The following EP400 variants were observed in gnomAD, a reference collection of about 807,000 sequenced individuals.
EP400 encodes E1A binding protein p400.
EP400 carries 105 observed loss-of-function variants against 354.1 expected under a neutral mutation model. The ratio of observed to expected loss-of-function variants is 0.30; its 90% CI spans 0.25 to 0.35. The LOEUF (loss-of-function observed/expected upper bound fraction) is 0.35, where lower values mean the gene tolerates loss of function less well. Among genes scored for constraint, EP400 ranks in the 10% least tolerant of loss-of-function variants. The pLI is 1.00. For synonymous variants in EP400, 1,646 were observed against 1,716.9 expected (o/e 0.96, Z 1.02); for missense variants, 3,280 against 4,121.0 (o/e 0.80, Z 5.59).
In EP400 at chr12:132,013,720, T is replaced by C. The variant is rs557333598; in HGVS notation, c.3786+56T>C. Reference sequence around the variant, plus strand: ...AATTAAACATGCGTATGCCTTGTTATAAACGTGTTACAGCAGCATTTTTGG... The same window carrying C: ...AATTAAACATGCGTATGCCTTGTTACAAACGTGTTACAGCAGCATTTTTGG... On this transcript the variant is annotated intron_variant, in intron 18 of 52. Coordinates refer to ENST00000389561, the MANE Select transcript of EP400 (RefSeq NM_015409.5). This position sits in a 1 kb window ranked among gnomAD's most constrained non-coding sequence, Gnocchi z 4.5. 84 of 1,610,220 alleles carry C rather than the reference T, an allele frequency of 5.2e-5. No homozygotes were observed. In the African/African-American group the frequency reaches 1.1e-3, roughly 21 times the overall value.
chr12:132,042,486 G>A (rs945954480), intron 32 of EP400, among the ~76,000 whole-genome samples: 5 of 152,044 alleles, frequency 3.3e-5, no homozygotes, highest in African/African-American at 1.2e-4. Context: ...GAAGGTCACC[G>A]GGCATCCTCC....
chr12:132,019,991 C>G (rs2136541516), intron 21 of EP400, 58 bp from the exon 22 acceptor site: 1 of 1,447,928 alleles, frequency 6.9e-7, no homozygotes, highest in Non-Finnish European at 9.1e-7. Flanking sequence ...ATGAGGTGGC[C>G]TGTCCTCTCT....
intron 30 of EP400, among the ~76,000 whole-genome samples, chr12:132,036,591 C>T (rs548208380): frequency 4.1e-4 from 62 of 152,372 alleles, no homozygotes; most frequent in Non-Finnish European, 7.3e-4. Context: ...CCCGCGGAAG[C>T]GCACACTGTC....
chr12:132,074,732 CT>C (rs1310674874), intron 51 of EP400, among the ~76,000 whole-genome samples: 1 of 152,192 alleles, frequency 6.6e-6, no homozygotes, highest in Non-Finnish European at 1.5e-5. Flanking sequence ...TCATTTTTCC[CT>C]TGGTTAAGTC....
chr12:131,988,354 T>A (rs1892926158), intron 7 of EP400, among the ~76,000 whole-genome samples: 2 of 152,180 alleles, frequency 1.3e-5, no homozygotes, highest in Non-Finnish European at 1.5e-5. Flanking sequence ...TAGCTTCATT[T>A]TGTTGCCTGG....
At position 131,986,596 on chromosome 12, in the gene EP400, C is replaced by T. The variant is rs774618050; in HGVS notation, c.2012C>T (p.Ala671Val). 8.4e-5 allele frequency: 135 copies of T among 1,613,954 alleles called. No homozygotes were observed. Among genetic ancestry groups the T allele is most frequent in the Middle Eastern group, 3.3e-4 (2 of 6,084 alleles). ...CCCACCTCTTCTACCTCGTCCCTCGCGCCTGTGAGTGGCTCCGGCCCAGGA... is the reference window on the plus strand; with the variant it reads ...CCCACCTCTTCTACCTCGTCCCTCGTGCCTGTGAGTGGCTCCGGCCCAGGA... ...PLPTSSTSSL[A>V]PVSGSGPGPS... The change falls in exon 6 of 53, where the codon GCG becomes GTG. Residue 671 changes from alanine (A) to valine (V), a missense_variant. Physicochemically the swap from Ala to Val is moderately conservative, Grantham distance 64 (BLOSUM62 0). Coordinates refer to ENST00000389561, the MANE Select transcript of EP400 (RefSeq NM_015409.5).
At chr12:132,042,235 G>A (rs1240246124) in intron 32 of EP400, among the ~76,000 whole-genome samples, 2 of 152,210 alleles carry the variant, frequency 1.3e-5, no homozygotes, top group Admixed American at 1.3e-4. Flanking sequence ...ATAGGCATGA[G>A]CCACCGTGCC....
At chr12:131,999,415 G>A (rs1302821587) in intron 12 of EP400, among the ~76,000 whole-genome samples, 2 of 152,128 alleles carry the variant, frequency 1.3e-5, no homozygotes, top group African/African-American at 4.8e-5. Context: ...CTATTCTTCA[G>A]TGTTTATGTT....
At chr12:132,003,696 G>A (rs1306544892) in intron 12 of EP400, among the ~76,000 whole-genome samples, 1 of 152,156 alleles carries the variant, frequency 6.6e-6, no homozygotes, top group Non-Finnish European at 1.5e-5. Flanking sequence ...CGCTCTGGAA[G>A]CATCAGACAG....
rs1404478179 is a variant in EP400 at position 132,044,895 on chromosome 12, T to G, written c.6726T>G (p.Ala2242=). Residue 2242 remains alanine (A), a synonymous_variant, in exon 37 of 53, where the codon GCT becomes GCG. Coordinates refer to ENST00000389561, the MANE Select transcript of EP400 (RefSeq NM_015409.5). ...LMYEATPIPE[A]KLPPVYVRKE... ...ATGAAGCCACTCCCATCCCAGAGGC[T>G]AAGCTGCCCCCTGTGTACGTGAGGA... The G allele has an allele frequency of 6.2e-7, 1 of 1,614,202 alleles. No homozygotes were observed. Among genetic ancestry groups the G allele is most frequent in the African/African-American group, 1.3e-5 (1 of 75,040 alleles).
intron 2 of EP400, among the ~76,000 whole-genome samples, chr12:131,962,503 TCATTAA>T (rs1891923017): frequency 6.6e-6 from 1 of 152,254 alleles, no homozygotes; most frequent in African/African-American, 2.4e-5. Context: ...GGGACCTTCA[TCATTAA>T]AATAGTTATT....
At chr12:131,959,878 G>T (rs1021627927) in intron 1 of EP400, among the ~76,000 whole-genome samples, 3 of 152,214 alleles carry the variant, frequency 2.0e-5, no homozygotes, top group African/African-American at 7.2e-5. Context: ...CTACTCTCCT[G>T]CAGTAGCCCC....
Position 132,050,362 on chromosome 12 carries a change from G to A in EP400, c.7240G>A (p.Ala2414Thr), listed in dbSNP as rs1168564281. Residue 2414 changes from alanine (A) to threonine (T), a missense_variant, in exon 40 of 53, where the codon GCC becomes ACC. Physicochemically the swap from Ala to Thr is moderately conservative, Grantham distance 58. This residue lies in a region of EP400 where 84 missense variants were observed against 133.0 expected (regional missense o/e 0.63). Transcript: ENST00000389561. The surrounding 1 kb of genome is among the most constrained non-coding windows in gnomAD (Gnocchi z 4.8). ...NRPLRTSQIY[A>T]QDENATHTQL... ...TCCTCTCCGTACGAGCCAGATCTAT[G>A]CCCAGGATGAGAATGCCACACACAC... 1.9e-6 allele frequency: 3 copies of A among 1,613,980 alleles called. No homozygotes were observed. Among genetic ancestry groups the A allele is most frequent in the Non-Finnish European group, 8.5e-7 (1 of 1,180,034 alleles).
rs781109926 is a variant in EP400, at chr12:132,045,877, A to G, written c.7177A>G (p.Ile2393Val). Reference sequence around the variant, plus strand: ...GTGCCGGAATCGCTACGAGAATGTCATCATTCCACGAGAGGAGGGGAAGGT... The same window carrying G: ...GTGCCGGAATCGCTACGAGAATGTCGTCATTCCACGAGAGGAGGGGAAGGT... ...KQCRNRYENV[I>V]IPREEGKSKN... is the part of the protein sequence containing the mutation. Residue 2393 changes from isoleucine (I) to valine (V), a missense_variant, in exon 39 of 53, where the codon ATC becomes GTC. Physicochemically the swap from Ile to Val is conservative, Grantham distance 29. Coordinates refer to ENST00000389561, the MANE Select transcript of EP400 (RefSeq NM_015409.5). 13 of 1,614,108 alleles carry G rather than the reference A, an allele frequency of 8.1e-6. No homozygotes were observed. The highest frequency in any genetic ancestry group is 1.0e-5 in the Non-Finnish European group (12 of 1,180,054).
chr12:132,045,169 C>G, intron 37 of EP400, 150 bp from the exon 38 acceptor site: 1 of 1,345,986 alleles, frequency 7.4e-7, no homozygotes, highest in East Asian at 2.4e-5. Flanking sequence ...ACCATGAAGG[C>G]CCGAAAGCAG....
chr12:132,031,275 A>G (rs769842217), intron 29 of EP400: 1 of 519,144 alleles, frequency 1.9e-6, no homozygotes. Context: ...GTGCTCTGGC[A>G]TTGCCTGAGG....
chr12:132,052,644 C>G lies in EP400; in HGVS notation c.7395-502C>G, dbSNP rs1194174629. Among the ~76,000 whole-genome samples the G allele has an allele frequency of 6.6e-6, 1 of 152,156 alleles. No individual in the cohort carries two copies. The highest frequency in any genetic ancestry group is 1.5e-5 in the Non-Finnish European group (1 of 68,034). ...CTAGCGTCTGGGAGCACAGACCCAT[C>G]ATTTGATTGATGTTGTCGATTAAAT... On this transcript the variant is annotated intron_variant, in intron 41 of 52. Coordinates refer to ENST00000389561, the MANE Select transcript of EP400 (RefSeq NM_015409.5). The surrounding 1 kb of genome is among the most constrained non-coding windows in gnomAD (Gnocchi z 4.4).
chr12:132,029,364 T>C lies in EP400; in HGVS notation c.5382-337T>C. ...TCTAGGGTCCACGAGACAGTGCACC[T>C]TTGTCCCAAAGTTTCCAGCTGAAGA... On this transcript the variant is annotated intron_variant, in intron 27 of 52. Transcript: ENST00000389561. This position sits in a 1 kb window ranked among gnomAD's most constrained non-coding sequence, Gnocchi z 4.7. The C allele has an allele frequency of 2.7e-6, 1 of 368,376 alleles. No individual in the cohort carries two copies. The highest frequency in any genetic ancestry group is 4.2e-5 in the Admixed American group (1 of 23,722). 22.8% of individuals were successfully genotyped at this position (368,376 alleles called of 1,614,324 possible).
intron 41 of EP400, among the ~76,000 whole-genome samples, chr12:132,051,871 A>T (rs1202261689): frequency 6.6e-6 from 1 of 152,092 alleles, no homozygotes; most frequent in African/African-American, 2.4e-5. Context: ...CTTGACACTA[A>T]TGCTACTGCT....
Sources: allele counts gnomAD v4.1 joint callset (sites outside exome capture counted in the v4.1 genomes callset), GRCh38; gene constraint gnomAD v4.1.1; regional missense constraint gnomAD v4.1.1; non-coding constraint Gnocchi (gnomAD v3.1); transcripts MANE v1.5; gene names NCBI Gene and HGNC (gene_info 2026-07-23, HGNC 2026-07-21).